Variants in LRP1B observed in about 807,000 individuals in gnomAD.
LRP1B encodes low-density lipoprotein receptor-related protein 1B.
A neutral mutation model predicts 556.6 loss-of-function variants in LRP1B; 217 were observed. The observed-to-expected ratio is 0.39, with a 90% CI of 0.35 to 0.44. The LOEUF (loss-of-function observed/expected upper bound fraction) is 0.44, where lower values mean the gene tolerates loss of function less well. LRP1B is among the 20% of genes least tolerant of loss of function. The pLI is 1.00. For missense variants in LRP1B, 5,053 were observed against 5,620.8 expected (o/e 0.90, Z 3.23); for synonymous variants, 2,047 against 1,865.8 (o/e 1.10, Z -2.50).
chr2:142,077,086 A>G (rs566016074), intron 1 of LRP1B, among the ~76,000 whole-genome samples: 49 of 152,216 alleles, frequency 3.2e-4, no homozygotes, highest in Non-Finnish European at 5.7e-4. Flanking sequence ...TCAGAGTCAC[A>G]TGAGGTTAAG....
intron 35 of LRP1B, among the ~76,000 whole-genome samples, chr2:140,726,122 T>C (rs1227037907): frequency 2.6e-5 from 4 of 152,228 alleles, no homozygotes; most frequent in African/African-American, 9.6e-5. Flanking sequence ...GGGCCAATAA[T>C]CTTGTGAAGG....
intron 1 of LRP1B, among the ~76,000 whole-genome samples, chr2:141,838,783 TA>T (rs1386403940): frequency 1.3e-5 from 2 of 152,164 alleles, no homozygotes; most frequent in African/African-American, 4.8e-5. Flanking sequence ...CAAAAGCATA[TA>T]AAAGAGAATT....
chr2:140,541,739 A>G (rs745465586), intron 44 of LRP1B, 40 bp downstream of exon 44: 1 of 1,467,406 alleles, frequency 6.8e-7, no homozygotes, highest in East Asian at 2.3e-5. Flanking sequence ...ATCAGAGATT[A>G]TACAATGAAA....
At chr2:141,130,876 G>T (rs1329752818) in intron 7 of LRP1B, among the ~76,000 whole-genome samples, 1 of 152,096 alleles carries the variant, frequency 6.6e-6, no homozygotes, top group African/African-American at 2.4e-5. Flanking sequence ...CTTTTGCAGG[G>T]ACATGGATGA....
chr2:140,609,006 A>G (rs953566579), intron 41 of LRP1B, among the ~76,000 whole-genome samples: 15 of 152,212 alleles, frequency 9.9e-5, no homozygotes, highest in African/African-American at 3.4e-4. Context: ...AAAGTAATAC[A>G]AGCCATGAAA....
rs1426631836 is a variant in LRP1B, at chr2:140,951,871, T to G, written c.2957A>C (p.His986Pro). ...KSGRCISSKW[H>P]CDSDDDCGDG... is the part of the protein sequence containing the mutation. ...CATTTGGTACTTGCCAGAGTCGCAG[T>G]GCCATTTGCTGCTAATGCATCTTCC... Residue 986 changes from histidine (H) to proline (P), a missense_variant, in exon 19 of 91, where the codon CAC becomes CCC. This residue lies in a region of LRP1B where 3,619 missense variants were observed against 3,931.9 expected (regional missense o/e 0.92). Transcript: ENST00000389484. The G allele has an allele frequency of 6.2e-7, 1 of 1,613,480 alleles. No homozygotes were observed. The highest frequency in any genetic ancestry group is 8.5e-7 in the Non-Finnish European group (1 of 1,179,530).
At chr2:141,755,526 C>T (rs1694285705) in intron 2 of LRP1B, among the ~76,000 whole-genome samples, 1 of 151,926 alleles carries the variant, frequency 6.6e-6, no homozygotes, top group Non-Finnish European at 1.5e-5. Context: ...TCAGTCTTGG[C>T]AAGGCTATAG....
intron 23 of LRP1B, among the ~76,000 whole-genome samples, chr2:140,897,782 C>T (rs1693993904): frequency 2.0e-5 from 3 of 152,112 alleles, no homozygotes; most frequent in Admixed American, 6.5e-5. Context: ...CAGTGATTTG[C>T]CAGGGGCTCT....
At chr2:140,245,026 G>A (rs1315063099) in intron 87 of LRP1B, among the ~76,000 whole-genome samples, 1 of 151,300 alleles carries the variant, frequency 6.6e-6, no homozygotes, top group African/African-American at 2.4e-5. Context: ...AAGCATAAAT[G>A]TCTGATAATA....
intron 40 of LRP1B, 26 bp downstream of exon 40, chr2:140,701,695 T>G: frequency 6.3e-7 from 1 of 1,591,142 alleles, no homozygotes; most frequent in Non-Finnish European, 8.6e-7. Context: ...AATATACATA[T>G]TATGTATTCT....
chr2:141,974,311 A>G (rs1256510273), intron 1 of LRP1B, among the ~76,000 whole-genome samples: 1 of 151,990 alleles, frequency 6.6e-6, no homozygotes, highest in Non-Finnish European at 1.5e-5. Context: ...TGTAGCAGGA[A>G]TGACAAGGGG....
intron 3 of LRP1B, among the ~76,000 whole-genome samples, chr2:141,303,889 G>C (rs1000117445): frequency 6.6e-6 from 1 of 152,052 alleles, no homozygotes; most frequent in Non-Finnish European, 1.5e-5. Flanking sequence ...AACAATGTAT[G>C]AGTTTTCTTT....
At chr2:140,420,758 A>C (rs1462316818) in intron 66 of LRP1B, among the ~76,000 whole-genome samples, 2 of 152,212 alleles carry the variant, frequency 1.3e-5, no homozygotes, top group African/African-American at 4.8e-5. Flanking sequence ...AAATGAATAC[A>C]TGCTGTATGA....
intron 43 of LRP1B, among the ~76,000 whole-genome samples, chr2:140,582,308 A>G (rs972214365): frequency 5.3e-5 from 8 of 152,192 alleles, no homozygotes; most frequent in Non-Finnish European, 1.2e-4. Context: ...GTTAGGCATC[A>G]CTATCACGTA....
chr2:141,456,238 T>C (rs1004103901), intron 3 of LRP1B, among the ~76,000 whole-genome samples: 2 of 152,226 alleles, frequency 1.3e-5, no homozygotes, highest in Admixed American at 6.5e-5. Context: ...TCTTTTAAAC[T>C]GCTGTCACCA....
intron 5 of LRP1B, among the ~76,000 whole-genome samples, chr2:141,230,585 A>G (rs898405965): frequency 6.6e-6 from 1 of 152,172 alleles, no homozygotes; most frequent in Admixed American, 6.5e-5. Context: ...CCTGATCTGT[A>G]TATTAATTAC....
At chr2:141,508,766 G>A (rs1443918029) in intron 2 of LRP1B, among the ~76,000 whole-genome samples, 4 of 151,966 alleles carry the variant, frequency 2.6e-5, no homozygotes, top group Admixed American at 2.0e-4. Flanking sequence ...GTTATTTTTA[G>A]AGCTCAAGTA....
At chr2:140,519,861 A>G (rs1690081940) in intron 49 of LRP1B, among the ~76,000 whole-genome samples, 1 of 152,222 alleles carries the variant, frequency 6.6e-6, no homozygotes, top group Non-Finnish European at 1.5e-5. Context: ...ACATGAAAAA[A>G]ATGCTCATCA....
intron 31 of LRP1B, among the ~76,000 whole-genome samples, chr2:140,828,101 C>T (rs543709952): frequency 6.6e-6 from 1 of 151,588 alleles, no homozygotes; most frequent in African/African-American, 2.4e-5. Context: ...TAGATCCATC[C>T]TACAAAAAAA....
Sources: gnomAD v4.1 joint callset for allele counts (sites outside exome capture counted in the v4.1 genomes callset) on GRCh38, gnomAD v4.1.1 for gene constraint, gnomAD v4.1.1 regional missense constraint, MANE v1.5 for transcripts, NCBI Gene and HGNC (gene_info 2026-07-23, HGNC 2026-07-21) for gene names.